LILRA2: variants seen among roughly 807,000 people sequenced by gnomAD.
LILRA2 encodes leukocyte immunoglobulin-like receptor subfamily A member 2.
In LILRA2, 45 loss-of-function variants were observed where a neutral mutation model predicts 47.9. That is an observed-to-expected ratio of 0.94 (90% CI 0.74 to 1.20). The LOEUF is 1.20. Ranked by LOEUF, LILRA2 falls within the 50% of genes most tolerant of loss-of-function variation. The pLI is 0.00. For synonymous variants in LILRA2, 279 were observed against 249.2 expected (o/e 1.12, Z -1.13); for missense variants, 651 against 598.2 (o/e 1.09, Z -0.92).
intron 6 of LILRA2, among the ~76,000 whole-genome samples, chr19:54,577,224 C>T (rs1253701800): frequency 6.7e-6 from 1 of 149,214 alleles, no homozygotes; most frequent in African/African-American, 2.5e-5. Context: ...AAAATGTCTC[C>T]AATTTTCTAC....
rs2062815263 is a variant in LILRA2 at position 54,586,591 on chromosome 19, G to A, written c.1256-419G>A. On this transcript the variant is annotated intron_variant, in intron 6 of 7. Transcript: ENST00000391738. ...CTCCTCCATGGAGCCTGGGTCCTCA[G>A]CTGGCGGATCCGTGAAACTCATCTC... 1.3e-5 allele frequency among the ~76,000 whole-genome samples: 2 copies of A among 152,164 alleles called. 1 individual carries two copies. The highest frequency in any genetic ancestry group is 4.1e-4 in the South Asian group (2 of 4,826).
In LILRA2 at chr19:54,590,203, T is replaced by C. The variant is rs1282585965; in HGVS notation, c.*2857T>C. 2.0e-5 allele frequency: 3 copies of C among 152,324 alleles called. No homozygotes were observed. In the East Asian group the frequency reaches 5.8e-4, roughly 29 times the overall value. The allele number at this position is 152,324 out of a possible 1,614,324, so 9.4% of individuals were successfully genotyped here. ...TTTCCTCTTCTCACTCTATTCTTTG[T>C]GTGCATTAATTATCTTTTCTATTTT... On this transcript the variant is annotated 3_prime_UTR_variant, in exon 8 of 8. Transcript: ENST00000391738.
At chr19:54,579,242 G>A (rs2062570354) in intron 6 of LILRA2, among the ~76,000 whole-genome samples, 2 of 152,114 alleles carry the variant, frequency 1.3e-5, no homozygotes, top group Admixed American at 6.6e-5. Context: ...ATGGTGTTAG[G>A]TCTTACATTT....
Position 54,574,820 on chromosome 19 carries a change from G to A in LILRA2, c.442G>A (p.Ala148Thr), listed in dbSNP as rs754386274. Residue 148 changes from alanine (A) to threonine (T), a missense_variant, in exon 4 of 8, where the codon GCA becomes ACA. Transcript: ENST00000391738. ...NVTLQCVSQV[A>T]FDGFILCKEG... ...GACCCTCCAGTGTGTCTCACAGGTG[G>A]CATTTGACGGCTTCATTCTGTGTAA... The A allele has an allele frequency of 6.8e-6, 11 of 1,613,456 alleles. No individual in the cohort carries two copies. The highest frequency in any genetic ancestry group is 1.6e-4 in the Middle Eastern group (1 of 6,076).
intron 6 of LILRA2, among the ~76,000 whole-genome samples, chr19:54,579,893 T>C (rs1363186548): frequency 6.6e-6 from 1 of 152,212 alleles, no homozygotes; most frequent in Non-Finnish European, 1.5e-5. Flanking sequence ...AGTTCACTCA[T>C]GACTTGGCTC....
chr19:54,577,768 T>C, intron 6 of LILRA2: 6 of 1,153,356 alleles, frequency 5.2e-6, no homozygotes, highest in Admixed American at 4.1e-5. Flanking sequence ...ATTTCTACTC[T>C]GCATTTTCTG....
Position 54,574,880 on chromosome 19 carries a change from T to TGG in LILRA2, c.502_503insGG (p.Ser168TrpfsTer19), listed in dbSNP as rs2062331606. 6.2e-7 allele frequency: 1 copy of TGG among 1,614,118 alleles called. No homozygotes were observed. Among genetic ancestry groups the TGG allele is most frequent in the Non-Finnish European group, 8.5e-7 (1 of 1,180,046 alleles). ...AGATGAACACCCACAACGCCTGAAC[T>TGG]CCCATTCCCATGCCCGTGGGTGGTC... On this transcript the variant is annotated frameshift_variant, in exon 4 of 8. Transcript: ENST00000391738. LOFTEE classifies it high-confidence loss of function.
chr19:54,579,170 T>A (rs2062567595), intron 6 of LILRA2, among the ~76,000 whole-genome samples: 1 of 152,210 alleles, frequency 6.6e-6, no homozygotes. Flanking sequence ...GTTTTAGTCA[T>A]GAAGTCCTTG....
In LILRA2 at chr19:54,582,698, C is replaced by T. The variant is rs192498178; in HGVS notation, c.1256-4312C>T. ...TTTATTAGTCTTCCTAGCGGTCTAT[C>T]AATTTTGTTGATCTTTTCAAAAAAC... On this transcript the variant is annotated intron_variant, in intron 6 of 7. Transcript: ENST00000391738. 4.6e-5 allele frequency among the ~76,000 whole-genome samples: 7 copies of T among 152,212 alleles called. No homozygotes were observed. The East Asian group carries it at 1.3e-3, about 29-fold the overall frequency.
rs1281575478 is a variant in LILRA2 at position 54,575,201 on chromosome 19, G to A, written c.656-55G>A. 81 of 1,564,130 alleles carry A rather than the reference G, an allele frequency of 5.2e-5. No homozygotes were observed. In the East Asian group the frequency reaches 5.9e-4, roughly 11 times the overall value. ...GGAAGATCAGCGGGGGAGAGGGAGGGTTTGTGGGGAAGCCTGAGGGTCGGC... is the reference window on the plus strand; with the variant it reads ...GGAAGATCAGCGGGGGAGAGGGAGGATTTGTGGGGAAGCCTGAGGGTCGGC... On this transcript the variant is annotated intron_variant, in intron 4 of 7. Transcript: ENST00000391738.
rs141927155 is a variant in LILRA2 at position 54,575,487 on chromosome 19, A to C, written c.887A>C (p.Tyr296Ser). Residue 296 changes from tyrosine (Y) to serine (S), a missense_variant, in exon 5 of 8, where the codon TAC (tyrosine) becomes TCC (serine). Transcript: ENST00000391738. Reference sequence around the variant, plus strand: ...TCCCACGGGGGCCAGTACAGATGCTACAGTGCACACAACCTCTCCTCCGAG... The same window carrying C: ...TCCCACGGGGGCCAGTACAGATGCTCCAGTGCACACAACCTCTCCTCCGAG... ...SPSHGGQYRC[Y>S]SAHNLSSEWS... 543 of 1,612,344 alleles carry C rather than the reference A, an allele frequency of 3.4e-4. No individual in the cohort carries two copies. The highest frequency in any genetic ancestry group is 1.4e-3 in the African/African-American group (103 of 74,680).
chr19:54,589,123 C>G lies in LILRA2; in HGVS notation c.*1777C>G, dbSNP rs761783553. 4 of 152,184 alleles carry G rather than the reference C, an allele frequency of 2.6e-5. No individual in the cohort carries two copies. The highest frequency in any genetic ancestry group is 5.9e-5 in the Non-Finnish European group (4 of 68,036). 9.4% of individuals were successfully genotyped at this position (152,184 alleles called of 1,614,324 possible). A position where few individuals can be genotyped will look rare whatever the true frequency, so the allele number is the denominator to read the frequency against. On this transcript the variant is annotated 3_prime_UTR_variant, in exon 8 of 8. Coordinates refer to ENST00000391738, the MANE Select transcript of LILRA2 (RefSeq NM_001130917.3). ...ACCCATTCTTCTGTGTGTGTCTTTT[C>G]TCTTCTTCAGATTATGATATCACTC...
chr19:54,585,288 G>C (rs2062763804), intron 6 of LILRA2, among the ~76,000 whole-genome samples: 1 of 152,228 alleles, frequency 6.6e-6, no homozygotes, highest in African/African-American at 2.4e-5. Context: ...CTCTAATGCG[G>C]TGCTGAGAGA....
In LILRA2 at chr19:54,574,529, A is replaced by G; in HGVS notation, c.299A>G (p.Tyr100Cys). 6.5e-7 allele frequency: 1 copy of G among 1,546,008 alleles called. No individual in the cohort carries two copies. Among genetic ancestry groups the G allele is most frequent in the Non-Finnish European group, 8.9e-7 (1 of 1,117,782 alleles). ...EHAGRYHCQY[Y>C]SHNHSSEYSD... ...GCAGGGCGGTATCACTGTCAGTACT[A>G]CAGCCACAATCACTCATCAGAGTAC... Residue 100 changes from tyrosine (Y) to cysteine (C), a missense_variant, in exon 3 of 8, where the codon TAC becomes TGC. Physicochemically the swap from Tyr to Cys is radical, Grantham distance 194 (BLOSUM62 -2). Transcript: ENST00000391738.
chr19:54,574,874 C>A lies in LILRA2; in HGVS notation c.496C>A (p.Leu166Met). The A allele has an allele frequency of 6.2e-7, 1 of 1,614,272 alleles. No homozygotes were observed. Among genetic ancestry groups the A allele is most frequent in the Non-Finnish European group, 8.5e-7 (1 of 1,180,050 alleles). Residue 166 changes from leucine (L) to methionine (M), a missense_variant, in exon 4 of 8, where the codon CTG (leucine) becomes ATG (methionine). Leu to Met is a conservative substitution (Grantham distance 15). Coordinates refer to ENST00000391738, the MANE Select transcript of LILRA2 (RefSeq NM_001130917.3). Reference protein sequence around the residue: ...KEGEDEHPQRLNSHSHARGWS... With the variant: ...KEGEDEHPQRMNSHSHARGWS... ...AGGAGAAGATGAACACCCACAACGC[C>A]TGAACTCCCATTCCCATGCCCGTGG...
chr19:54,583,888 A>G (rs1369796686), intron 6 of LILRA2, among the ~76,000 whole-genome samples: 1 of 152,146 alleles, frequency 6.6e-6, no homozygotes, highest in Non-Finnish European at 1.5e-5. Flanking sequence ...ACCATTTGGC[A>G]TGTTTTTGCA....
At position 54,576,193 on chromosome 19, in the gene LILRA2, T is replaced by G. The variant is rs2062425600; in HGVS notation, c.1255+84T>G. ...AGCAGAGCTCTGGGACAATAATGAA[T>G]GAGGGGAGTGAAGCGGGAGGGTCCA... On this transcript the variant is annotated intron_variant, in intron 6 of 7. Coordinates refer to ENST00000391738, the MANE Select transcript of LILRA2 (RefSeq NM_001130917.3). The G allele has an allele frequency of 2.5e-6, 4 of 1,588,086 alleles. No individual in the cohort carries two copies. The Admixed American group carries it at 7.0e-5, about 28-fold the overall frequency.
Position 54,589,963 on chromosome 19 carries a change from T to C in LILRA2, c.*2617T>C, listed in dbSNP as rs1177390813. The stretch of plus-strand genomic sequence containing the variant: ...TCATTCATTTGAGAATAATTTTCAT[T>C]TTCTCCAGTAGTTTTAAAATTACTT... On this transcript the variant is annotated 3_prime_UTR_variant, in exon 8 of 8. Transcript: ENST00000391738. The C allele has an allele frequency of 6.6e-6, 1 of 152,256 alleles. No individual in the cohort carries two copies. Among genetic ancestry groups the C allele is most frequent in the African/African-American group, 2.4e-5 (1 of 41,464 alleles). 9.4% of individuals were successfully genotyped at this position (152,256 alleles called of 1,614,324 possible). A position where few individuals can be genotyped will look rare whatever the true frequency, so the allele number is the denominator to read the frequency against.
intron 6 of LILRA2, among the ~76,000 whole-genome samples, chr19:54,581,814 A>G (rs907026129): frequency 3.3e-5 from 5 of 151,880 alleles, no homozygotes; most frequent in Non-Finnish European, 5.9e-5. Context: ...GGAAAAAACT[A>G]CTTTAAAGTT....
Sources: allele counts gnomAD v4.1 joint callset (sites outside exome capture counted in the v4.1 genomes callset), GRCh38; gene constraint gnomAD v4.1.1; transcripts MANE v1.5; gene names NCBI Gene and HGNC (gene_info 2026-07-23, HGNC 2026-07-21).